The following NRXN1 variants were observed in gnomAD, a reference collection of about 807,000 sequenced individuals.
The protein encoded by NRXN1 is neurexin 1, also known as neurexin-1.
Under a neutral mutation model 150.9 loss-of-function variants are expected in NRXN1, and 39 were observed. That is an observed-to-expected ratio of 0.26 (90% CI 0.20 to 0.34). The LOEUF is 0.34. NRXN1 is among the 10% of genes least tolerant of loss of function. The probability of loss-of-function intolerance (pLI) is 1.00; values close to 1 mark genes in which losing one functional copy is unlikely to be tolerated. For synonymous variants in NRXN1, 924 were observed against 757.0 expected (o/e 1.22, Z -3.62); for missense variants, 1,815 against 1,949.9 (o/e 0.93, Z 1.30).
intron 17 of NRXN1, among the ~76,000 whole-genome samples, chr2:50,348,431 G>C (rs1181936179): frequency 1.3e-5 from 2 of 152,162 alleles, no homozygotes; most frequent in East Asian, 1.9e-4. Flanking sequence ...AAAATTGCTT[G>C]TATTTCAGTC....
chr2:50,963,397 T>A (rs1693519102), intron 2 of NRXN1, among the ~76,000 whole-genome samples: 1 of 151,670 alleles, frequency 6.6e-6, no homozygotes, highest in African/African-American at 2.4e-5. Context: ...GAAAACATTC[T>A]ATACTGGTCA....
chr2:50,082,712 T>C (rs749719824), intron 19 of NRXN1, among the ~76,000 whole-genome samples: 2 of 152,146 alleles, frequency 1.3e-5, no homozygotes, highest in Non-Finnish European at 2.9e-5. Flanking sequence ...AACTCATGAG[T>C]TGCTATCCTA....
intron 5 of NRXN1, among the ~76,000 whole-genome samples, chr2:50,635,442 G>A (rs907978622): frequency 6.6e-6 from 1 of 151,812 alleles, no homozygotes; most frequent in Non-Finnish European, 1.5e-5. Context: ...CAATGTGCTG[G>A]GATTACAGGC....
chr2:50,090,407 G>A (rs931080715), intron 19 of NRXN1, among the ~76,000 whole-genome samples: 1 of 151,898 alleles, frequency 6.6e-6, no homozygotes, highest in African/African-American at 2.4e-5. Context: ...TCTTTATACT[G>A]TGTTATAAAT....
intron 19 of NRXN1, among the ~76,000 whole-genome samples, chr2:50,061,398 T>G (rs1694511443): frequency 6.6e-6 from 1 of 152,148 alleles, no homozygotes. Context: ...ACATACAGCA[T>G]TTGTGAATGG....
chr2:50,893,893 A>G (rs555428487), intron 5 of NRXN1, among the ~76,000 whole-genome samples: 2 of 152,172 alleles, frequency 1.3e-5, no homozygotes, highest in African/African-American at 4.8e-5. Flanking sequence ...GAGAATGATG[A>G]TTTCCAATTT....
intron 5 of NRXN1, among the ~76,000 whole-genome samples, chr2:50,694,807 A>T (rs1312052456): frequency 6.6e-6 from 1 of 152,306 alleles, no homozygotes; most frequent in East Asian, 1.9e-4. Flanking sequence ...GAACAAAAGT[A>T]ATCATTACAA....
At chr2:50,490,067 G>T (rs1211175153) in intron 15 of NRXN1, among the ~76,000 whole-genome samples, 1 of 152,178 alleles carries the variant, frequency 6.6e-6, no homozygotes, top group East Asian at 1.9e-4. Context: ...TGTCTTTCAA[G>T]TAACTGCTCT....
chr2:50,761,719 G>T (rs1481658344), intron 5 of NRXN1, among the ~76,000 whole-genome samples: 1 of 151,874 alleles, frequency 6.6e-6, no homozygotes, highest in Non-Finnish European at 1.5e-5. Context: ...TGAGTCAGTG[G>T]ACTGGGAAAG....
intron 21 of NRXN1, among the ~76,000 whole-genome samples, chr2:49,976,966 A>G (rs1467433542): frequency 2.6e-5 from 4 of 152,214 alleles, no homozygotes; most frequent in Non-Finnish European, 5.9e-5. Context: ...GGTATTGTTC[A>G]CTGCTGCTTC....
At chr2:50,423,091 G>C (rs996259632) in intron 17 of NRXN1, among the ~76,000 whole-genome samples, 9 of 152,086 alleles carry the variant, frequency 5.9e-5, no homozygotes, top group African/African-American at 2.2e-4. Flanking sequence ...TTGAATCCTT[G>C]ACAAGTGAGA....
chr2:50,857,110 T>A (rs1360103081), intron 5 of NRXN1, among the ~76,000 whole-genome samples: 7 of 152,152 alleles, frequency 4.6e-5, no homozygotes, highest in Admixed American at 2.0e-4. Context: ...GCATATGTAT[T>A]AAATGATTTG....
intron 5 of NRXN1, among the ~76,000 whole-genome samples, chr2:50,903,364 T>C (rs945764659): frequency 6.6e-6 from 1 of 152,156 alleles, no homozygotes; most frequent in Non-Finnish European, 1.5e-5. Flanking sequence ...AATCTAACTA[T>C]AGGAAGACAT....
chr2:50,963,993 A>G (rs1443948209), intron 2 of NRXN1: 1 of 442,190 alleles, frequency 2.3e-6, no homozygotes. Flanking sequence ...TCTCTTTATG[A>G]AAAATAGAGC....
intron 5 of NRXN1, among the ~76,000 whole-genome samples, chr2:50,756,787 G>C (rs1017104278): frequency 4.0e-5 from 6 of 151,864 alleles, no homozygotes; most frequent in Non-Finnish European, 8.8e-5. Context: ...AAAAGATTAA[G>C]TTATAAAATC....
chr2:49,950,768 T>G (rs1673798723), intron 21 of NRXN1, among the ~76,000 whole-genome samples: 1 of 151,694 alleles, frequency 6.6e-6, no homozygotes, highest in Admixed American at 6.6e-5. Context: ...AAGTGTCTGC[T>G]AAAAAAAATA....
At chr2:50,182,314 T>G (rs1376483054) in intron 18 of NRXN1, among the ~76,000 whole-genome samples, 1 of 152,046 alleles carries the variant, frequency 6.6e-6, no homozygotes, top group African/African-American at 2.4e-5. Context: ...GGCATTCATC[T>G]TCTAGATCAA....
intron 2 of NRXN1, among the ~76,000 whole-genome samples, chr2:50,986,943 C>T (rs181669137): frequency 9.0e-4 from 136 of 151,882 alleles, no homozygotes; most frequent in Non-Finnish European, 3.1e-4. Flanking sequence ...TAGTGCTTTA[C>T]TTTGTAGAGG....
chr2:50,891,998 T>C (rs571885663), intron 5 of NRXN1, among the ~76,000 whole-genome samples: 10 of 152,168 alleles, frequency 6.6e-5, no homozygotes, highest in African/African-American at 2.4e-4. Flanking sequence ...TATCCAATAT[T>C]ATCAGGATAC....
Sources: allele counts gnomAD v4.1 joint callset (sites outside exome capture counted in the v4.1 genomes callset), GRCh38; gene constraint gnomAD v4.1.1; transcripts MANE v1.5; gene names NCBI Gene and HGNC (gene_info 2026-07-23, HGNC 2026-07-21).